ABCC6: variants seen among roughly 807,000 people sequenced by gnomAD.
ABCC6 encodes ATP-binding cassette sub-family C member 6.
In ABCC6, 126 loss-of-function variants were observed where a neutral mutation model predicts 169.5. The ratio of observed to expected loss-of-function variants is 0.74; its 90% CI spans 0.64 to 0.86. ABCC6 has a LOEUF of 0.86. Ranked by LOEUF, ABCC6 falls within the 40% of genes least tolerant of loss-of-function variation. The probability of loss-of-function intolerance (pLI) is 0.00; values close to 1 mark genes in which losing one functional copy is unlikely to be tolerated. For missense variants in ABCC6, 1,733 were observed against 1,927.2 expected (o/e 0.90, Z 1.89); for synonymous variants, 752 against 814.7 (o/e 0.92, Z 1.31).
Position 16,157,952 on chromosome 16 carries a change from CAA to C in ABCC6, c.3736-145_3736-144del, listed in dbSNP as rs2046604866. ...TTACAGGGTTGTTATGGGAATTCAA[CAA>C]GAGAGGGCATGGACTATGTCAATGC... is the stretch of plus-strand genomic sequence containing the variant. On this transcript the variant is annotated intron_variant, in intron 26 of 30. Coordinates refer to ENST00000205557, the MANE Select transcript of ABCC6 (RefSeq NM_001171.6). 17 of 888,998 alleles carry C rather than the reference CAA, an allele frequency of 1.9e-5. No homozygotes were observed. In the South Asian group the frequency reaches 2.8e-4, roughly 15 times the overall value. The allele number at this position is 888,998 out of a possible 1,614,324, so 55.1% of individuals were successfully genotyped here.
At chr16:16,213,117 C>A (rs1298101249) in intron 5 of ABCC6, among the ~76,000 whole-genome samples, 1 of 149,570 alleles carries the variant, frequency 6.7e-6, no homozygotes, top group Non-Finnish European at 1.5e-5. Flanking sequence ...CAGGGTCTCG[C>A]TCTGTCACCC....
chr16:16,184,830 G>T, intron 15 of ABCC6, 129 bp downstream of exon 15: 2 of 1,013,714 alleles, frequency 2.0e-6, no homozygotes, highest in Non-Finnish European at 3.1e-6. Context: ...CAGAGCCCCA[G>T]CCCAGCCAAA....
intron 4 of ABCC6, among the ~76,000 whole-genome samples, chr16:16,214,801 G>T (rs182789241): frequency 6.6e-6 from 1 of 152,156 alleles, no homozygotes; most frequent in East Asian, 1.9e-4. Flanking sequence ...GTAGAGATGG[G>T]GTTTTGCCAT....
Position 16,182,908 on chromosome 16 carries a change from CCTGGGGCACCGTGAGGTTTATT to C in ABCC6, c.1944_1965del (p.Ile649AlafsTer32). ...GGACCGACAACAGCCAGCAGACAGC[CCTGGGGCACCGTGAGGTTTATT>C]CTGGACACGCAAGAGGGGAGACATG... On this transcript the variant is annotated frameshift_variant and splice_region_variant, in exon 16 of 31. Transcript: ENST00000205557. LOFTEE classifies it high-confidence loss of function. 17 of 1,613,990 alleles carry C rather than the reference CCTGGGGCACCGTGAGGTTTATT, an allele frequency of 1.1e-5. No individual in the cohort carries two copies. The highest frequency in any genetic ancestry group is 1.4e-5 in the Non-Finnish European group (17 of 1,180,020).
intron 18 of ABCC6, 152 bp from the exon 19 acceptor site, chr16:16,177,778 A>G: frequency 1.2e-6 from 1 of 850,174 alleles, no homozygotes; most frequent in Non-Finnish European, 1.8e-6. Flanking sequence ...CCCCATCTCT[A>G]CTAAAAATAC....
At chr16:16,212,115 G>T (rs1263829002) in intron 6 of ABCC6, 70 bp downstream of exon 6, 10 of 726,024 alleles carry the variant, frequency 1.4e-5, no homozygotes, top group Non-Finnish European at 2.0e-5. Flanking sequence ...AAGGGCCATG[G>T]CTGGGAATCA....
chr16:16,203,806 G>C (rs1368079966), intron 7 of ABCC6, among the ~76,000 whole-genome samples, 193 bp from the exon 8 acceptor site: 1 of 152,142 alleles, frequency 6.6e-6, no homozygotes, highest in African/African-American at 2.4e-5. Flanking sequence ...TTGGGGGGCA[G>C]GGCAGGAGGG....
intron 30 of ABCC6, 34 bp downstream of exon 30, chr16:16,150,544 C>G: frequency 6.3e-7 from 1 of 1,599,194 alleles, no homozygotes; most frequent in South Asian, 1.1e-5. Context: ...CACTGCAGGG[C>G]TGCTGTGAGG....
In ABCC6 at chr16:16,169,899, G is replaced by A. The variant is rs192698093; in HGVS notation, c.2788-46C>T. The A allele has an allele frequency of 2.2e-5, 34 of 1,543,450 alleles. No homozygotes were observed. The East Asian group carries it at 7.1e-4, about 32-fold the overall frequency. On this transcript the variant is annotated intron_variant, in intron 21 of 30. Transcript: ENST00000205557. ...AGGGAGGCAGAGAGAGCCCCCAGTG[G>A]GAGGGGTGGGTTGAGGCAAGGCCAG... is the stretch of plus-strand genomic sequence containing the variant.
rs552100238 is a variant in ABCC6, at chr16:16,198,486, A to G, written c.1177-304T>C. Among the ~76,000 whole-genome samples the G allele has an allele frequency of 2.6e-5, 4 of 152,270 alleles. No individual in the cohort carries two copies. In the East Asian group the frequency reaches 7.7e-4, roughly 29 times the overall value. The stretch of plus-strand genomic sequence containing the variant: ...ATGTCGCAGGCACTGTGCTAAATGA[A>G]CAGCCTTATCCTTTCCCGGGGTGCT... On this transcript the variant is annotated intron_variant, in intron 9 of 30. Coordinates refer to ENST00000205557, the MANE Select transcript of ABCC6 (RefSeq NM_001171.6).
chr16:16,177,481 G>A lies in ABCC6; in HGVS notation c.2561C>T (p.Ala854Val). ...TTCTCCTCTATCTCCTGGCTGTCTGGCTTGATCCAGAAGACACATGAGGGC... is the reference window on the plus strand; with the variant it reads ...TTCTCCTCTATCTCCTGGCTGTCTGACTTGATCCAGAAGACACATGAGGGC... ...KGALMCLLDQ[A>V]RQPGDRGEGE... The change falls in exon 19 of 31, where the codon GCC becomes GTC. Residue 854 changes from alanine to valine, a missense_variant. Physicochemically the swap from Ala to Val is moderately conservative, Grantham distance 64. Coordinates refer to ENST00000205557, the MANE Select transcript of ABCC6 (RefSeq NM_001171.6). 2 of 1,614,154 alleles carry A rather than the reference G, an allele frequency of 1.2e-6. No homozygotes were observed. The highest frequency in any genetic ancestry group is 2.2e-5 in the East Asian group (1 of 44,878).
In ABCC6 at chr16:16,175,849, T is replaced by A. The variant is rs547740003; in HGVS notation, c.2666+62A>T. 7 of 1,588,826 alleles carry A rather than the reference T, an allele frequency of 4.4e-6. No individual in the cohort carries two copies. In the East Asian group the frequency reaches 1.6e-4, roughly 36 times the overall value. On this transcript the variant is annotated intron_variant, in intron 20 of 30. Coordinates refer to ENST00000205557, the MANE Select transcript of ABCC6 (RefSeq NM_001171.6). ...GCCTAACTGCCCGAGATGCGGGTGG[T>A]CCCTTCAGCTACTTCAGCTTCAGCC...
intron 15 of ABCC6, among the ~76,000 whole-genome samples, 195 bp from the exon 16 acceptor site, chr16:16,183,125 A>G (rs956993213): frequency 6.6e-6 from 1 of 152,190 alleles, no homozygotes; most frequent in Non-Finnish European, 1.5e-5. Context: ...GTACACATGC[A>G]CACAAAGCGT....
chr16:16,173,518 TTTCATTCA>T (rs998128519), intron 20 of ABCC6, 114 bp from the exon 21 acceptor site: 1 of 1,247,292 alleles, frequency 8.0e-7, no homozygotes. Flanking sequence ...CTCTGTACTC[TTTCATTCA>T]TTCATTTATC....
chr16:16,188,688 C>G, intron 13 of ABCC6, 143 bp downstream of exon 13: 1 of 1,212,556 alleles, frequency 8.2e-7, no homozygotes, highest in African/African-American at 1.5e-5. Context: ...TGCCCCTACC[C>G]GCCTCTTTTC....
rs566948579 is a variant in ABCC6 at position 16,184,146 on chromosome 16, C to T, written c.1943+813G>A. On this transcript the variant is annotated intron_variant, in intron 15 of 30. Transcript: ENST00000205557. ...TCCGGAAGGTGGAGGTTGCAGTGAG[C>T]CGAGATCATGCCATTGCACTCCAGC... 8 of 181,362 alleles carry T rather than the reference C, an allele frequency of 4.4e-5. 1 individual carries two copies. In the South Asian group the frequency reaches 4.9e-4, roughly 11 times the overall value. 11.2% of individuals were successfully genotyped at this position (181,362 alleles called of 1,614,324 possible).
rs1486197417 is a variant in ABCC6, at chr16:16,190,188, C to T, written c.1611G>A (p.Val537=). 6 of 1,613,926 alleles carry T rather than the reference C, an allele frequency of 3.7e-6. No individual in the cohort carries two copies. The highest frequency in any genetic ancestry group is 1.7e-4 in the Middle Eastern group (1 of 6,012). The change falls in exon 12 of 31, where the codon GTG becomes GTA. Residue 537 remains valine, a synonymous_variant. Coordinates refer to ENST00000205557, the MANE Select transcript of ABCC6 (RefSeq NM_001171.6). ...CCAGAAATGTAGACACTTGGAAGGA[C>T]ACCAGCGACACAGAGAAGAGGAGGC... is the stretch of plus-strand genomic sequence containing the variant. ...TSGLLFSVSL[V]SFQVSTFLVA...
intron 21 of ABCC6, among the ~76,000 whole-genome samples, chr16:16,171,886 G>C (rs1165617929): frequency 8.1e-6 from 1 of 122,976 alleles, no homozygotes; most frequent in Non-Finnish European, 1.7e-5. Flanking sequence ...AAATGAGTAG[G>C]TGGGATGGAT....
chr16:16,161,645 C>T, intron 24 of ABCC6, 81 bp from the exon 25 acceptor site: 1 of 1,586,502 alleles, frequency 6.3e-7, no homozygotes, highest in South Asian at 1.1e-5. Flanking sequence ...GACTGGTCAT[C>T]ACACCAGCTT....
Sources: gnomAD v4.1 joint callset for allele counts (sites outside exome capture counted in the v4.1 genomes callset) on GRCh38, gnomAD v4.1.1 for gene constraint, MANE v1.5 for transcripts, NCBI Gene and HGNC (gene_info 2026-07-23, HGNC 2026-07-21) for gene names.